PCDHGB1: variants seen among roughly 807,000 people sequenced by gnomAD.
PCDHGB1 encodes the protein protocadherin gamma subfamily B, 1, also known as protocadherin gamma-B1.
PCDHGB1 carries 34 observed loss-of-function variants against 56.6 expected under a neutral mutation model. The ratio of observed to expected loss-of-function variants is 0.60; its 90% CI spans 0.46 to 0.80. The LOEUF (loss-of-function observed/expected upper bound fraction) is 0.80, where lower values mean the gene tolerates loss of function less well. Ranked by LOEUF, PCDHGB1 falls within the 30% of genes least tolerant of loss-of-function variation. The pLI is 0.00. For synonymous variants in PCDHGB1, 561 were observed against 505.9 expected, an observed-to-expected ratio of 1.11 and a Z score of -1.46; for missense variants, 1,278 against 1,204.6, an observed-to-expected ratio of 1.06 and a Z score of -0.90.
chr5:141,423,552 C>A, intron 1 of PCDHGB1: 2 of 1,613,720 alleles, frequency 1.2e-6, no homozygotes, highest in Non-Finnish European at 1.7e-6. Context: ...CCCAGCCCAA[C>A]TATGGGGACA....
chr5:141,441,884 C>A (rs2098281796), intron 1 of PCDHGB1: 10 of 343,702 alleles, frequency 2.9e-5, no homozygotes, highest in South Asian at 2.6e-4. Context: ...TACCTGGTCA[C>A]CAAGGTGGTG....
At chr5:141,375,326 G>C (rs1771348524) in intron 1 of PCDHGB1, 1 of 1,613,776 alleles carries the variant, frequency 6.2e-7, no homozygotes. Flanking sequence ...CCGGGAAGAG[G>C]TATTCTTGTA....
chr5:141,387,810 A>G (rs2091099710), intron 1 of PCDHGB1: 1 of 1,525,916 alleles, frequency 6.6e-7, no homozygotes. Context: ...TCGGAGATCC[A>G]AAAATCTGCA....
intron 1 of PCDHGB1, chr5:141,400,636 G>C: frequency 7.5e-7 from 1 of 1,325,762 alleles, no homozygotes; most frequent in Non-Finnish European, 1.1e-6. Context: ...AGTCAGAGCT[G>C]CTCAGAAAGC....
intron 1 of PCDHGB1, chr5:141,403,792 A>G: frequency 1.2e-6 from 2 of 1,613,922 alleles, no homozygotes; most frequent in African/African-American, 1.3e-5. Context: ...TGGCATACAA[A>G]TTCTGGAAAA....
chr5:141,477,861 G>T lies in PCDHGB1; in HGVS notation c.2410-16946G>T. 6.2e-7 allele frequency: 1 copy of T among 1,612,714 alleles called. No homozygotes were observed. Among genetic ancestry groups the T allele is most frequent in the Non-Finnish European group, 8.5e-7 (1 of 1,179,590 alleles). ...GGGAGCTCGGTGGAGATGCTGCCTC[G>T]AGGTACCTCAGCTGGCCACCTAGTG... On this transcript the variant is annotated intron_variant, in intron 1 of 3. Coordinates refer to ENST00000523390, the MANE Select transcript of PCDHGB1 (RefSeq NM_018922.3). This position sits in a 1 kb window ranked among gnomAD's most constrained non-coding sequence, Gnocchi z 4.9.
At chr5:141,409,952 C>T (rs892751686) in intron 1 of PCDHGB1, 2 of 1,613,232 alleles carry the variant, frequency 1.2e-6, no homozygotes, top group Non-Finnish European at 1.7e-6. Context: ...CTCTGCAGAG[C>T]CCGGCTACCT....
intron 1 of PCDHGB1, among the ~76,000 whole-genome samples, chr5:141,363,114 G>C (rs1762815949): frequency 6.6e-6 from 1 of 152,244 alleles, no homozygotes; most frequent in Non-Finnish European, 1.5e-5. Flanking sequence ...TTTGAGGTCT[G>C]AGGTGTCTGC....
chr5:141,412,416 G>A (rs897228706), intron 1 of PCDHGB1: 1 of 152,162 alleles, frequency 6.6e-6, no homozygotes, highest in Non-Finnish European at 1.5e-5. Flanking sequence ...GATAAAGTAT[G>A]TTTTACACAA....
chr5:141,402,098 C>G (rs2094224797), intron 1 of PCDHGB1, among the ~76,000 whole-genome samples: 1 of 152,048 alleles, frequency 6.6e-6, no homozygotes, highest in Non-Finnish European at 1.5e-5. Context: ...AAAGTTTAAG[C>G]AATTACAAAA....
intron 1 of PCDHGB1, chr5:141,364,345 T>G (rs1763271329): frequency 6.5e-7 from 1 of 1,542,970 alleles, no homozygotes; most frequent in African/African-American, 1.4e-5. Flanking sequence ...CGAGTCCACC[T>G]AGGGGCTGGG....
intron 1 of PCDHGB1, chr5:141,362,523 T>G: frequency 6.2e-7 from 1 of 1,614,040 alleles, no homozygotes; most frequent in Non-Finnish European, 8.5e-7. Context: ...ATGGAGCCGC[T>G]GGGGTCCCTT....
At chr5:141,441,736 T>C in intron 1 of PCDHGB1, 1 of 365,328 alleles carries the variant, frequency 2.7e-6, no homozygotes. Flanking sequence ...CAGGACTAGC[T>C]CGCGCTCGGC....
In PCDHGB1 at chr5:141,350,552, GA is replaced by G; in HGVS notation, c.293del (p.Glu98GlyfsTer4). On this transcript the variant is annotated frameshift_variant, in exon 1 of 4. Transcript: ENST00000523390. LOFTEE classifies it high-confidence loss of function. ...AGAGAAGATTTGCGGAAGGAAACTTGAGTGTGCACTAGAATTCGAAACGGTC... is the reference window on the plus strand; with the variant it reads ...AGAGAAGATTTGCGGAAGGAAACTTGGTGTGCACTAGAATTCGAAACGGTC... ...DREKICGRKL[E>X]CALEFETVAE... The G allele has an allele frequency of 6.2e-7, 1 of 1,614,066 alleles. No homozygotes were observed. The highest frequency in any genetic ancestry group is 8.5e-7 in the Non-Finnish European group (1 of 1,179,902).
chr5:141,388,842 A>G (rs1399936260), intron 1 of PCDHGB1: 1 of 1,614,014 alleles, frequency 6.2e-7, no homozygotes, highest in Non-Finnish European at 8.5e-7. Flanking sequence ...TTTGGAAGCA[A>G]GGGACGGTGG....
chr5:141,363,237 C>T (rs1762851401), intron 1 of PCDHGB1, among the ~76,000 whole-genome samples: 1 of 152,240 alleles, frequency 6.6e-6, no homozygotes, highest in African/African-American at 2.4e-5. Flanking sequence ...ATGTTCACAT[C>T]ATTTTCTACA....
intron 1 of PCDHGB1, chr5:141,396,533 T>A (rs942972836): frequency 2.0e-5 from 3 of 151,264 alleles, no homozygotes; most frequent in African/African-American, 7.3e-5. Flanking sequence ...GGCAGAAGAA[T>A]CACTTGAACC....
rs1412247634 is a variant in PCDHGB1, at chr5:141,391,586, A to AAT, written c.2409+38921_2409+38922dup. 2.0e-5 allele frequency: 3 copies of AAT among 152,352 alleles called. No homozygotes were observed. In the South Asian group the frequency reaches 6.2e-4, roughly 32 times the overall value. The allele number at this position is 152,352 out of a possible 1,614,324, so 9.4% of individuals were successfully genotyped here. ...GCATAAGAAAATATATTCACAGGAA[A>AAT]ATATAAAGTTTTCAGATTTCATGAG... On this transcript the variant is annotated intron_variant, in intron 1 of 3. Coordinates refer to ENST00000523390, the MANE Select transcript of PCDHGB1 (RefSeq NM_018922.3).
chr5:141,403,694 C>T (rs746395931), intron 1 of PCDHGB1: 3 of 1,613,760 alleles, frequency 1.9e-6, no homozygotes, highest in Admixed American at 3.3e-5. Flanking sequence ...ACGGATTTAC[C>T]GAGTTAAAGT....
Sources: gnomAD v4.1 joint callset for allele counts (sites outside exome capture counted in the v4.1 genomes callset) on GRCh38, gnomAD v4.1.1 for gene constraint, Gnocchi (gnomAD v3.1) non-coding constraint, MANE v1.5 for transcripts, NCBI Gene and HGNC (gene_info 2026-07-23, HGNC 2026-07-21) for gene names.